LANCL2: variants seen among roughly 807,000 people sequenced by gnomAD.
LANCL2 encodes lanC-like protein 2.
In LANCL2, 33 loss-of-function variants were observed where a neutral mutation model predicts 56.9. The ratio of observed to expected loss-of-function variants is 0.58; its 90% CI spans 0.44 to 0.78. LANCL2 has a LOEUF of 0.78. Among genes scored for constraint, LANCL2 ranks in the 30% least tolerant of loss-of-function variants. LANCL2 has a pLI of 0.00. For synonymous variants in LANCL2, 233 were observed against 228.2 expected, an observed-to-expected ratio of 1.02 and a Z score of -0.19; for missense variants, 562 against 580.2, an observed-to-expected ratio of 0.97 and a Z score of 0.32.
chr7:55,392,588 ATCC>A (rs67127982), intron 2 of LANCL2, among the ~76,000 whole-genome samples: 41,987 of 151,768 alleles, frequency 0.28, 6,410 homozygotes, highest in Non-Finnish European at 0.35. Context: ...GGCTCAAGCG[ATCC>A]TCCTGCTTCA....
chr7:55,368,388 G>T (rs1269389944), intron 1 of LANCL2, among the ~76,000 whole-genome samples: 1 of 152,218 alleles, frequency 6.6e-6, no homozygotes, highest in Non-Finnish European at 1.5e-5. Flanking sequence ...GCCAGTGGTT[G>T]TGAGTATATG....
chr7:55,427,422 G>T (rs1471669628), intron 7 of LANCL2, among the ~76,000 whole-genome samples: 1 of 152,194 alleles, frequency 6.6e-6, no homozygotes, highest in African/African-American at 2.4e-5. Flanking sequence ...AGGCGGGCTT[G>T]GGTTTCCCCA....
intron 2 of LANCL2, among the ~76,000 whole-genome samples, chr7:55,392,225 G>A (rs892424549): frequency 6.6e-6 from 1 of 152,112 alleles, no homozygotes; most frequent in Non-Finnish European, 1.5e-5. Context: ...CCTGGGAAGC[G>A]GAGGTTGCAG....
chr7:55,365,867 C>T lies in LANCL2; in HGVS notation c.-159C>T, dbSNP rs975991430. ...GATGTGCGAGCAGCCCGCGACGAGG[C>T]AGTGCACGCTCAGACGCCCCGCTCC... On this transcript the variant is annotated 5_prime_UTR_variant, in exon 1 of 9. The change creates a premature stop within an existing upstream ORF in the 5' untranslated region. Coordinates refer to ENST00000254770, the MANE Select transcript of LANCL2 (RefSeq NM_018697.4). The T allele has an allele frequency of 2.0e-5, 10 of 501,928 alleles. No homozygotes were observed. Among genetic ancestry groups the T allele is most frequent in the African/African-American group, 1.6e-4 (8 of 49,300 alleles). The allele number at this position is 501,928 out of a possible 1,614,324, so 31.1% of individuals were successfully genotyped here. A position where few individuals can be genotyped will look rare whatever the true frequency, so the allele number is the denominator to read the frequency against.
chr7:55,377,874 T>C (rs1562857036), intron 1 of LANCL2, among the ~76,000 whole-genome samples: 1 of 152,356 alleles, frequency 6.6e-6, no homozygotes, highest in South Asian at 2.1e-4. Flanking sequence ...ATATTTCTAT[T>C]CATATGGTAT....
chr7:55,410,524 G>GA (rs1228924941), intron 5 of LANCL2, among the ~76,000 whole-genome samples: 1 of 152,266 alleles, frequency 6.6e-6, no homozygotes, highest in South Asian at 2.1e-4. Flanking sequence ...GGTGCTTATG[G>GA]AATGATGAGA....
rs577882631 is a variant in LANCL2 at position 55,419,506 on chromosome 7, A to G, written c.1009-5748A>G. Among the ~76,000 whole-genome samples the G allele has an allele frequency of 2.1e-4, 31 of 151,116 alleles. 1 individual carries two copies. The South Asian group carries it at 5.0e-3, about 25-fold the overall frequency. On this transcript the variant is annotated intron_variant, in intron 6 of 8. Transcript: ENST00000254770. ...AACCTCCGCCTCCCGGGTTCAGGCA[A>G]TTCTCCTGCTGCAGCCTTCCATGTA...
rs1455333566 is a variant in LANCL2 at position 55,402,723 on chromosome 7, G to A, written c.825+1403G>A. Reference sequence around the variant, plus strand: ...GCTGACCCCCACCTCCCTCCCAGACGGGGTGGCTGCCGGGCGGAGACGCTC... The same window carrying A: ...GCTGACCCCCACCTCCCTCCCAGACAGGGTGGCTGCCGGGCGGAGACGCTC... On this transcript the variant is annotated intron_variant, in intron 5 of 8. Transcript: ENST00000254770. Among the ~76,000 whole-genome samples the A allele has an allele frequency of 4.8e-5, 6 of 125,644 alleles. 1 individual carries two copies. The highest frequency in any genetic ancestry group is 7.1e-5 in the Non-Finnish European group (4 of 56,266). The allele number at this position is 125,644 out of a possible 152,430, so 82.4% of individuals were successfully genotyped here.
chr7:55,411,072 G>A (rs1790465304), intron 5 of LANCL2, among the ~76,000 whole-genome samples: 1 of 152,186 alleles, frequency 6.6e-6, no homozygotes, highest in Non-Finnish European at 1.5e-5. Flanking sequence ...AAGACATTGT[G>A]TGGCATTAAC....
intron 2 of LANCL2, among the ~76,000 whole-genome samples, chr7:55,398,123 G>A (rs562277085): frequency 6.6e-6 from 1 of 152,254 alleles, no homozygotes; most frequent in African/African-American, 2.4e-5. Context: ...CTGAGGATGA[G>A]TAGGAAGTGA....
intron 5 of LANCL2, among the ~76,000 whole-genome samples, chr7:55,403,770 C>G (rs887097904): frequency 1.3e-5 from 2 of 151,900 alleles, no homozygotes; most frequent in African/African-American, 2.4e-5. Context: ...CGGGGTTTCA[C>G]CATATCGGCC....
At chr7:55,380,911 G>A (rs965015400) in intron 1 of LANCL2, among the ~76,000 whole-genome samples, 5 of 131,656 alleles carry the variant, frequency 3.8e-5, no homozygotes, top group African/African-American at 5.7e-5. Flanking sequence ...GCTCTTTTTC[G>A]CCCAGGCTGG....
chr7:55,400,418 A>G (rs1407838932), intron 4 of LANCL2, among the ~76,000 whole-genome samples: 1 of 152,206 alleles, frequency 6.6e-6, no homozygotes, highest in Admixed American at 6.5e-5. Context: ...AGTGGGGACC[A>G]GCTTCTTCTG....
chr7:55,383,563 T>C (rs1790092216), intron 1 of LANCL2, among the ~76,000 whole-genome samples: 1 of 152,222 alleles, frequency 6.6e-6, no homozygotes, highest in South Asian at 2.1e-4. Flanking sequence ...TATCAGTACT[T>C]GCTAGCCTAG....
chr7:55,411,700 GAA>G (rs1790471785), intron 5 of LANCL2, among the ~76,000 whole-genome samples: 1 of 152,148 alleles, frequency 6.6e-6, no homozygotes, highest in Non-Finnish European at 1.5e-5. Flanking sequence ...ATCCACCAAA[GAA>G]GAGACAAAAT....
At chr7:55,428,524 C>A in intron 8 of LANCL2, 77 bp downstream of exon 8, 1 of 1,126,038 alleles carries the variant, frequency 8.9e-7, no homozygotes, top group South Asian at 1.3e-5. Flanking sequence ...TGGCACTGTT[C>A]ATATTTGACC....
intron 2 of LANCL2, among the ~76,000 whole-genome samples, chr7:55,393,400 C>T (rs1009611013): frequency 5.3e-5 from 8 of 152,152 alleles, no homozygotes; most frequent in Admixed American, 2.0e-4. Context: ...GGCATAGTGG[C>T]ATGGGCCTAT....
rs149358078 is a variant in LANCL2 at position 55,427,897 on chromosome 7, G to A, written c.1186-478G>A. 5.5e-3 allele frequency among the ~76,000 whole-genome samples: 841 copies of A among 152,370 alleles called. 6 individuals carry two copies. Among genetic ancestry groups the A allele is most frequent in the African/African-American group, 0.018 (737 of 41,588 alleles). ...CGGGGGCTGGGAAGGTGGAGAGGCTGCCAAGCAGCAGCAGCAGCTGTGGAG... is the reference window on the plus strand; with the variant it reads ...CGGGGGCTGGGAAGGTGGAGAGGCTACCAAGCAGCAGCAGCAGCTGTGGAG... On this transcript the variant is annotated intron_variant, in intron 7 of 8. Coordinates refer to ENST00000254770, the MANE Select transcript of LANCL2 (RefSeq NM_018697.4).
intron 2 of LANCL2, 96 bp from the exon 3 acceptor site, chr7:55,398,327 T>G (rs1334360595): frequency 9.2e-6 from 8 of 867,390 alleles, no homozygotes; most frequent in Non-Finnish European, 1.5e-5. Context: ...CATAGATTTA[T>G]GTAGAAGAAG....
Sources: allele counts gnomAD v4.1 joint callset (sites outside exome capture counted in the v4.1 genomes callset), GRCh38; gene constraint gnomAD v4.1.1; transcripts MANE v1.5; gene names NCBI Gene and HGNC (gene_info 2026-07-23, HGNC 2026-07-21).